Variants in MCUB observed in about 807,000 individuals in gnomAD.
The protein encoded by MCUB is mitochondrial calcium uniporter dominant negative subunit beta.
A neutral mutation model predicts 41.4 loss-of-function variants in MCUB; 46 were observed. The observed-to-expected ratio is 1.11, with a 90% confidence interval of 0.88 to 1.42. The LOEUF (loss-of-function observed/expected upper bound fraction) is 1.42. Ranked by LOEUF, MCUB falls within the 40% of genes most tolerant of loss-of-function variation. MCUB has a pLI of 0.00. For synonymous variants in MCUB, 148 were observed against 148.2 expected (o/e 1.00, Z 0.01); for missense variants, 403 against 404.9 (o/e 1.00, Z 0.04).
intron 3 of MCUB, among the ~76,000 whole-genome samples, chr4:109,662,223 T>C (rs551787125): frequency 2.6e-5 from 4 of 152,358 alleles, no homozygotes; most frequent in Admixed American, 6.5e-5. Flanking sequence ...TATGGCACAA[T>C]GGGCTTCCTA....
intron 4 of MCUB, among the ~76,000 whole-genome samples, chr4:109,668,230 T>G (rs996949449): frequency 1.3e-5 from 2 of 152,162 alleles, no homozygotes; most frequent in Non-Finnish European, 2.9e-5. Flanking sequence ...AATAGAGGAA[T>G]GTTGAAGTCT....
intron 4 of MCUB, among the ~76,000 whole-genome samples, chr4:109,677,405 T>C (rs1729597331): frequency 6.6e-6 from 1 of 152,178 alleles, no homozygotes; most frequent in South Asian, 2.1e-4. Context: ...GAGTAGATGC[T>C]TGGGGCTCTT....
intron 1 of MCUB, among the ~76,000 whole-genome samples, chr4:109,588,491 A>T (rs1727358495): frequency 6.6e-6 from 1 of 152,122 alleles, no homozygotes; most frequent in Admixed American, 6.5e-5. Context: ...GGAGATTTTG[A>T]TGTTTGCATT....
In MCUB at chr4:109,612,340, C is replaced by G. The variant is rs141187382; in HGVS notation, c.100-46671C>G. Among the ~76,000 whole-genome samples the G allele has an allele frequency of 2.0e-5, 3 of 147,666 alleles. 1 individual carries two copies. The Admixed American group carries it at 2.1e-4, about 10-fold the overall frequency. ...GGAGTGCAGTGGTGTGATCCCGGCT[C>G]GCTGCAACCACCACCTCCCAGGTTC... On this transcript the variant is annotated intron_variant, in intron 1 of 7. Transcript: ENST00000394650.
intron 1 of MCUB, among the ~76,000 whole-genome samples, chr4:109,593,396 C>T (rs1352355920): frequency 6.6e-6 from 1 of 152,162 alleles, no homozygotes; most frequent in African/African-American, 2.4e-5. Context: ...GGGAAAGCAC[C>T]TACTGGAACT....
At chr4:109,636,847 C>CA (rs1350406477) in intron 1 of MCUB, among the ~76,000 whole-genome samples, 1 of 152,078 alleles carries the variant, frequency 6.6e-6, no homozygotes, top group Non-Finnish European at 1.5e-5. Context: ...AAAACAACAA[C>CA]AAAAATGTTT....
chr4:109,563,400 C>G (rs1041319759), intron 1 of MCUB, among the ~76,000 whole-genome samples: 2 of 152,096 alleles, frequency 1.3e-5, no homozygotes. Context: ...TTGTTTTCAT[C>G]TTTTTAATTT....
chr4:109,633,231 C>T (rs1160390388), intron 1 of MCUB, among the ~76,000 whole-genome samples: 1 of 151,898 alleles, frequency 6.6e-6, no homozygotes, highest in East Asian at 1.9e-4. Flanking sequence ...TTTTGTTTTG[C>T]GTGTATTTGG....
intron 1 of MCUB, among the ~76,000 whole-genome samples, chr4:109,572,588 TA>T (rs1726938578): frequency 6.6e-6 from 1 of 152,158 alleles, no homozygotes; most frequent in African/African-American, 2.4e-5. Flanking sequence ...TATAATATCA[TA>T]ACTGACACTA....
intron 1 of MCUB, chr4:109,648,767 A>C: frequency 3.0e-6 from 1 of 329,040 alleles, no homozygotes; most frequent in South Asian, 2.5e-5. Context: ...GCTCAGTGTG[A>C]GATTCTACAA....
intron 1 of MCUB, among the ~76,000 whole-genome samples, chr4:109,626,570 T>C (rs1482323655): frequency 6.6e-6 from 1 of 152,040 alleles, no homozygotes; most frequent in Non-Finnish European, 1.5e-5. Context: ...CCTAGCACTT[T>C]GGGAGGCCGA....
chr4:109,664,249 C>A, intron 3 of MCUB, 41 bp from the exon 4 acceptor site: 1 of 980,710 alleles, frequency 1.0e-6, no homozygotes, highest in African/African-American at 1.6e-5. Context: ...TCTTACTGTT[C>A]TAAAACAAAG....
At chr4:109,561,553 T>C (rs1184387191) in intron 1 of MCUB, among the ~76,000 whole-genome samples, 1 of 152,182 alleles carries the variant, frequency 6.6e-6, no homozygotes, top group Non-Finnish European at 1.5e-5. Flanking sequence ...TGTTACTAAA[T>C]GTAAGAACAG....
chr4:109,632,943 A>G (rs752667524), intron 1 of MCUB, among the ~76,000 whole-genome samples: 1 of 152,136 alleles, frequency 6.6e-6, no homozygotes, highest in Non-Finnish European at 1.5e-5. Flanking sequence ...TATCAGCACT[A>G]TCTTGATAGG....
intron 1 of MCUB, among the ~76,000 whole-genome samples, chr4:109,644,109 A>T (rs1728780303): frequency 6.6e-6 from 1 of 152,188 alleles, no homozygotes; most frequent in Non-Finnish European, 1.5e-5. Flanking sequence ...GGGCAAAGAT[A>T]AAAAAATTGA....
intron 4 of MCUB, among the ~76,000 whole-genome samples, chr4:109,673,669 TA>T: frequency 6.6e-6 from 1 of 152,376 alleles, no homozygotes; most frequent in African/African-American, 2.4e-5. Flanking sequence ...TCCATTTAAC[TA>T]AAATATTCCT....
chr4:109,677,914 A>G (rs1284215226), intron 4 of MCUB, among the ~76,000 whole-genome samples: 2 of 149,176 alleles, frequency 1.3e-5, no homozygotes, highest in African/African-American at 5.0e-5. Context: ...AGGTCAGCAG[A>G]TAAACACGTG....
chr4:109,650,561 A>G (rs1579083326), intron 1 of MCUB, among the ~76,000 whole-genome samples: 1 of 152,358 alleles, frequency 6.6e-6, no homozygotes, highest in East Asian at 1.9e-4. Flanking sequence ...AGTTGTAACC[A>G]CAGTGGGAAG....
chr4:109,565,864 G>T (rs1726762619), intron 1 of MCUB, among the ~76,000 whole-genome samples: 2 of 148,348 alleles, frequency 1.3e-5, no homozygotes, highest in Admixed American at 6.7e-5. Context: ...TTGAGACAGG[G>T]TCATGCTCTT....
Sources: gnomAD v4.1 joint callset for allele counts (sites outside exome capture counted in the v4.1 genomes callset) on GRCh38, gnomAD v4.1.1 for gene constraint, MANE v1.5 for transcripts, NCBI Gene and HGNC (gene_info 2026-07-23, HGNC 2026-07-21) for gene names.